The following FBXO21 variants were observed in gnomAD, a reference collection of about 807,000 sequenced individuals.
FBXO21 encodes F-box only protein 21.
In FBXO21, 32 loss-of-function variants were observed where a neutral mutation model predicts 76.6. That is an observed-to-expected ratio of 0.42 (90% confidence interval 0.32 to 0.56). FBXO21 has a LOEUF of 0.56. FBXO21 is among the 20% of genes least tolerant of loss of function. The pLI is 0.16. For missense variants in FBXO21, 586 were observed against 797.3 expected, an observed-to-expected ratio of 0.73 and a Z score of 3.19; for synonymous variants, 328 against 311.5, an observed-to-expected ratio of 1.05 and a Z score of -0.56.
At chr12:117,186,296 C>A (rs912892167) in intron 3 of FBXO21, among the ~76,000 whole-genome samples, 181 bp downstream of exon 3, 1 of 152,140 alleles carries the variant, frequency 6.6e-6, no homozygotes, top group African/African-American at 2.4e-5. Flanking sequence ...TGTAAGGTTT[C>A]TTTATATGTC....
intron 8 of FBXO21, among the ~76,000 whole-genome samples, chr12:117,165,912 G>A (rs1273677): frequency 2.6e-5 from 4 of 152,294 alleles, no homozygotes; most frequent in South Asian, 4.1e-4. Flanking sequence ...TCTGAAGGCC[G>A]GGCGCAGTGG....
chr12:117,172,333 CA>C (rs1956126072), intron 7 of FBXO21, 137 bp downstream of exon 7: 2 of 880,834 alleles, frequency 2.3e-6, no homozygotes. Flanking sequence ...AGCCAGGAAA[CA>C]AAACAGTTCC....
chr12:117,168,907 G>C (rs1471547059), intron 7 of FBXO21, among the ~76,000 whole-genome samples: 1 of 152,222 alleles, frequency 6.6e-6, no homozygotes, highest in African/African-American at 2.4e-5. Flanking sequence ...TTGTGGAAGA[G>C]AGTGTGGTGA....
rs371110069 is a variant in FBXO21 at position 117,164,205 on chromosome 12, T to C, written c.1326+1280A>G. ...GAAAGTTTTCTTTTCCAATAATTCC[T>C]CTACCACATTACACATATATTCTGG... On this transcript the variant is annotated intron_variant, in intron 9 of 11. Transcript: ENST00000622495. 2.0e-4 allele frequency among the ~76,000 whole-genome samples: 30 copies of C among 151,958 alleles called. No homozygotes were observed. In the East Asian group the frequency reaches 5.4e-3, roughly 27 times the overall value.
rs768168006 is a variant in FBXO21, at chr12:117,145,225, G to A, written c.*862C>T. 1.3e-5 allele frequency: 2 copies of A among 151,816 alleles called. No homozygotes were observed. Among genetic ancestry groups the A allele is most frequent in the Non-Finnish European group, 2.9e-5 (2 of 67,980 alleles). The allele number at this position is 151,816 out of a possible 1,614,324, so 9.4% of individuals were successfully genotyped here. On this transcript the variant is annotated 3_prime_UTR_variant, in exon 12 of 12. Coordinates refer to ENST00000622495, the MANE Select transcript of FBXO21 (RefSeq NM_015002.3). ...ACTACAAAAAGAACCCATCACTGAT[G>A]TAAGACCTACTCATGATACTGAAGT...
intron 2 of FBXO21, among the ~76,000 whole-genome samples, chr12:117,188,604 C>A (rs7297713): frequency 1.4e-5 from 2 of 146,782 alleles, no homozygotes; most frequent in Non-Finnish European, 3.0e-5. Flanking sequence ...AAAAAGAAAA[C>A]AAAACAAAAC....
intron 9 of FBXO21, among the ~76,000 whole-genome samples, chr12:117,162,130 G>A (rs913855443): frequency 5.3e-5 from 8 of 152,174 alleles, no homozygotes; most frequent in African/African-American, 9.7e-5. Flanking sequence ...GACAGGGAGT[G>A]CTTTTTGTTT....
At chr12:117,167,149 A>C in intron 7 of FBXO21, 72 bp from the exon 8 acceptor site, 20 of 1,158,394 alleles carry the variant, frequency 1.7e-5, no homozygotes, top group Non-Finnish European at 2.4e-5. Flanking sequence ...TAAGTAGCTC[A>C]AATCATGGGC....
chr12:117,175,610 T>C (rs1261931165), intron 4 of FBXO21, among the ~76,000 whole-genome samples: 1 of 152,244 alleles, frequency 6.6e-6, no homozygotes, highest in Non-Finnish European at 1.5e-5. Context: ...GTCCCAGTGT[T>C]GCCACCAGCC....
chr12:117,187,482 G>A (rs1956295614), intron 2 of FBXO21, among the ~76,000 whole-genome samples: 1 of 145,774 alleles, frequency 6.9e-6, no homozygotes, highest in Non-Finnish European at 1.5e-5. Context: ...GCTTCTCTCA[G>A]TTTTCTTTTT....
Position 117,190,430 on chromosome 12 carries a change from C to A in FBXO21, c.27G>T (p.Ala9=). The A allele has an allele frequency of 1.4e-6, 2 of 1,445,434 alleles. No homozygotes were observed. The highest frequency in any genetic ancestry group is 2.9e-5 in the East Asian group (1 of 34,334). The allele number at this position is 1,445,434 out of a possible 1,614,324, so 89.5% of individuals were successfully genotyped here. A position where few individuals can be genotyped will look rare whatever the true frequency, so the allele number is the denominator to read the frequency against. Residue 9 remains alanine, a synonymous_variant, in exon 1 of 12, where the codon GCG becomes GCT. Coordinates refer to ENST00000622495, the MANE Select transcript of FBXO21 (RefSeq NM_015002.3). The part of the protein sequence containing the change: MAAAAVDS[A]MEVVPALAEE... ...CCGCCAGCGCCGGCACCACCTCCATCGCGCTGTCGACTGCTGCCGCCGCCA... is the reference window on the plus strand; with the variant it reads ...CCGCCAGCGCCGGCACCACCTCCATAGCGCTGTCGACTGCTGCCGCCGCCA...
intron 4 of FBXO21, among the ~76,000 whole-genome samples, chr12:117,177,152 G>T (rs1956184505): frequency 6.6e-6 from 1 of 152,128 alleles, no homozygotes; most frequent in South Asian, 2.1e-4. Flanking sequence ...GAGGTTAAGG[G>T]ATTTACTCAA....
chr12:117,163,181 G>A (rs537196169), intron 9 of FBXO21, among the ~76,000 whole-genome samples: 7 of 152,334 alleles, frequency 4.6e-5, no homozygotes, highest in African/African-American at 1.7e-4. Context: ...CCTAAAAGGG[G>A]ATGTTAATAG....
rs762098728 is a variant in FBXO21 at position 117,174,748 on chromosome 12, G to A, written c.642C>T (p.Leu214=). 1 of 1,614,202 alleles carries A rather than the reference G, an allele frequency of 6.2e-7. No homozygotes were observed. The highest frequency in any genetic ancestry group is 1.1e-5 in the South Asian group (1 of 91,086). ...QYCNPLSDIS[L]KDIQAQIDSI... ...TGTCAATTTGGGCCTGGATGTCTTT[G>A]AGGCTGATGTCGGAGAGAGGATTGC... Residue 214 remains leucine (L), a synonymous_variant, in exon 5 of 12, where the codon CTC becomes CTT. Transcript: ENST00000622495.
intron 5 of FBXO21, 116 bp from the exon 6 acceptor site, chr12:117,174,457 G>T: frequency 7.7e-7 from 1 of 1,290,898 alleles, no homozygotes; most frequent in Non-Finnish European, 1.1e-6. Flanking sequence ...ATCAAGTGTT[G>T]CCAATCTAGG....
intron 11 of FBXO21, among the ~76,000 whole-genome samples, chr12:117,152,741 G>C (rs986847514): frequency 1.3e-5 from 2 of 152,144 alleles, no homozygotes; most frequent in Non-Finnish European, 2.9e-5. Flanking sequence ...AATGTAATTT[G>C]GTTATGCAGA....
At chr12:117,163,830 G>C (rs892688006) in intron 9 of FBXO21, among the ~76,000 whole-genome samples, 2 of 152,066 alleles carry the variant, frequency 1.3e-5, no homozygotes, top group Non-Finnish European at 2.9e-5. Flanking sequence ...TATAGTCCCA[G>C]CTACTCGGTA....
At chr12:117,165,335 AAAAAATCTACC>A in intron 9 of FBXO21, 139 bp downstream of exon 9, 1 of 832,390 alleles carries the variant, frequency 1.2e-6, no homozygotes, top group Non-Finnish European at 1.8e-6. Flanking sequence ...GAGAAGTAAA[AAAAAATCTACC>A]AATGGGTTAT....
intron 2 of FBXO21, among the ~76,000 whole-genome samples, chr12:117,188,356 C>T (rs892048364): frequency 2.6e-5 from 4 of 152,066 alleles, no homozygotes; most frequent in African/African-American, 9.7e-5. Context: ...ACCAGCCTGA[C>T]CAACATGGTG....
Sources: gnomAD v4.1 joint callset for allele counts (sites outside exome capture counted in the v4.1 genomes callset) on GRCh38, gnomAD v4.1.1 for gene constraint, MANE v1.5 for transcripts, NCBI Gene and HGNC (gene_info 2026-07-23, HGNC 2026-07-21) for gene names.